OR2H2: variants seen among roughly 807,000 people sequenced by gnomAD.
OR2H2 encodes olfactory receptor 2H2.
For synonymous variants in OR2H2, 146 were observed against 132.4 expected, an observed-to-expected ratio of 1.10 and a Z score of -0.71; for missense variants, 295 against 313.7, an observed-to-expected ratio of 0.94 and a Z score of 0.45.
intron 1 of OR2H2, 82 bp from the exon 2 acceptor site, chr6:29,587,588 G>C (rs1760350710): frequency 4.0e-6 from 1 of 247,204 alleles, no homozygotes; most frequent in Non-Finnish European, 7.7e-6. Context: ...TCAGAACATA[G>C]TGGCACTCAA....
Position 29,588,772 on chromosome 6 carries a change from T to C in OR2H2, c.828T>C (p.Tyr276=), listed in dbSNP as rs770274270. Residue 276 remains tyrosine (Y), a synonymous_variant, in exon 2 of 2, where the codon TAT becomes TAC. Transcript: ENST00000641840. ...QERGKFFGLF[Y]AVGTPSLNPL... ...GGGGCAAGTTCTTTGGTCTCTTCTATGCAGTGGGCACTCCTTCACTTAACC... is the reference window on the plus strand; with the variant it reads ...GGGGCAAGTTCTTTGGTCTCTTCTACGCAGTGGGCACTCCTTCACTTAACC... The C allele has an allele frequency of 3.2e-6, 3 of 942,392 alleles. No individual in the cohort carries two copies. The Admixed American group carries it at 5.1e-5, about 16-fold the overall frequency. 58.4% of individuals were successfully genotyped at this position (942,392 alleles called of 1,614,324 possible). A position where few individuals can be genotyped will look rare whatever the true frequency, so the allele number is the denominator to read the frequency against.
At position 29,588,867 on chromosome 6, in the gene OR2H2, G is replaced by A. The variant is rs1460578472; in HGVS notation, c.923G>A (p.Gly308Glu). The change falls in exon 2 of 2, where the codon GGG becomes GAG. Residue 308 changes from glycine (G) to glutamate (E), a missense_variant. Gly to Glu is a moderately conservative substitution (Grantham distance 98). Transcript: ENST00000641840. ...AFRRLLGKEM[G>E]LTQS ...AGGAGATTGCTGGGGAAGGAAATGG[G>A]GCTCACACAAAGCTGAGGGAGAGCT... is the stretch of plus-strand genomic sequence containing the variant. 3.7e-6 allele frequency: 3 copies of A among 801,358 alleles called. No homozygotes were observed. Among genetic ancestry groups the A allele is most frequent in the African/African-American group, 3.4e-5 (2 of 59,506 alleles). The allele number at this position is 801,358 out of a possible 1,614,324, so 49.6% of individuals were successfully genotyped here. A position where few individuals can be genotyped will look rare whatever the true frequency, so the allele number is the denominator to read the frequency against.
In OR2H2 at chr6:29,588,997, T is replaced by C. The variant is rs1760497979; in HGVS notation, c.*114T>C. 1.6e-6 allele frequency: 1 copy of C among 638,736 alleles called. No individual in the cohort carries two copies. The allele number at this position is 638,736 out of a possible 1,614,324, so 39.6% of individuals were successfully genotyped here. A position where few individuals can be genotyped will look rare whatever the true frequency, so the allele number is the denominator to read the frequency against. ...ACACCCATTACATTGTGGGAATGGATGAAAGCCACATGTCTGTGTGTGTGC... is the reference window on the plus strand; with the variant it reads ...ACACCCATTACATTGTGGGAATGGACGAAAGCCACATGTCTGTGTGTGTGC... On this transcript the variant is annotated 3_prime_UTR_variant, in exon 2 of 2. Coordinates refer to ENST00000641840, the MANE Select transcript of OR2H2 (RefSeq NM_007160.4).
At position 29,586,594 on chromosome 6, in the gene OR2H2, T is replaced by C. The variant is rs115297026; in HGVS notation, c.-275-1076T>C. Among the ~76,000 whole-genome samples the C allele has an allele frequency of 8.9e-3, 1,351 of 152,232 alleles. 25 individuals are homozygous for C. Among genetic ancestry groups the C allele is most frequent in the South Asian group, 0.06 (287 of 4,820 alleles). ...GGGCACACAGAAGCTTCTAAGATAC[T>C]TGAAACATTTGCTCAGTTCCTTAAC... On this transcript the variant is annotated intron_variant, in intron 1 of 1. Transcript: ENST00000641840.
In OR2H2 at chr6:29,588,859, G is replaced by A. The variant is rs778873283; in HGVS notation, c.915G>A (p.Lys305=). Residue 305 remains lysine (K), a synonymous_variant, in exon 2 of 2, where the codon AAG becomes AAA. Transcript: ENST00000641840. ...VTRAFRRLLG[K]EMGLTQS ...GGGCATTCAGGAGATTGCTGGGGAA[G>A]GAAATGGGGCTCACACAAAGCTGAG... The A allele has an allele frequency of 1.2e-6, 1 of 811,304 alleles. No homozygotes were observed. Among genetic ancestry groups the A allele is most frequent in the Admixed American group, 1.7e-5 (1 of 59,056 alleles). The allele number at this position is 811,304 out of a possible 1,614,324, so 50.3% of individuals were successfully genotyped here. A position where few individuals can be genotyped will look rare whatever the true frequency, so the allele number is the denominator to read the frequency against.
chr6:29,588,234 T>C lies in OR2H2; in HGVS notation c.290T>C (p.Val97Ala). 6.4e-7 allele frequency: 1 copy of C among 1,562,068 alleles called. No homozygotes were observed. The highest frequency in any genetic ancestry group is 8.8e-7 in the Non-Finnish European group (1 of 1,133,496). ...KKTISFLDCS[V>A]QIFIFLSLGT... Reference sequence around the variant, plus strand: ...ACCATCAGCTTCCTGGACTGCTCTGTCCAGATCTTCATCTTCCTGTCCCTG... The same window carrying C: ...ACCATCAGCTTCCTGGACTGCTCTGCCCAGATCTTCATCTTCCTGTCCCTG... The change falls in exon 2 of 2, where the codon GTC becomes GCC. Residue 97 changes from valine to alanine, a missense_variant. By Grantham distance (64) the Val-to-Ala change is moderately conservative. Transcript: ENST00000641840.
Position 29,588,199 on chromosome 6 carries a change from C to T in OR2H2, c.255C>T (p.Gly85=), listed in dbSNP as rs141246891. 498 of 1,496,892 alleles carry T rather than the reference C, an allele frequency of 3.3e-4. 2 individuals are homozygous for T. In the African/African-American group the frequency reaches 5.3e-3, roughly 16 times the overall value. The allele number at this position is 1,496,892 out of a possible 1,614,324, so 92.7% of individuals were successfully genotyped here. A position where few individuals can be genotyped will look rare whatever the true frequency, so the allele number is the denominator to read the frequency against. ...CVPQMLVNLW[G]PKKTISFLDC... is the part of the protein sequence containing the mutation. Reference sequence around the variant, plus strand: ...CCCAAATGCTGGTCAACCTCTGGGGCCCAAAGAAGACCATCAGCTTCCTGG... The same window carrying T: ...CCCAAATGCTGGTCAACCTCTGGGGTCCAAAGAAGACCATCAGCTTCCTGG... Residue 85 remains glycine, a synonymous_variant, in exon 2 of 2, where the codon GGC becomes GGT. Transcript: ENST00000641840.
rs1339517183 is a variant in OR2H2, at chr6:29,589,579, A to G, written c.*696A>G. Reference sequence around the variant, plus strand: ...CAGGTAAAGGAGCAGCCAAAAAGACACAAAAATATCTTCATGTTTAGGCTG... The same window carrying G: ...CAGGTAAAGGAGCAGCCAAAAAGACGCAAAAATATCTTCATGTTTAGGCTG... On this transcript the variant is annotated 3_prime_UTR_variant, in exon 2 of 2. Transcript: ENST00000641840. 2.0e-5 allele frequency: 3 copies of G among 152,292 alleles called. No individual in the cohort carries two copies. In the East Asian group the frequency reaches 5.8e-4, roughly 29 times the overall value. 9.4% of individuals were successfully genotyped at this position (152,292 alleles called of 1,614,324 possible).
At chr6:29,587,333 C>T (rs1760331733) in intron 1 of OR2H2, 1 of 152,170 alleles carries the variant, frequency 6.6e-6, no homozygotes, top group African/African-American at 2.4e-5. Context: ...GGGCAACCAA[C>T]CTGATCTCTC....
intron 1 of OR2H2, among the ~76,000 whole-genome samples, chr6:29,585,759 AGGAAAAGGAGT>A (rs1562042957): frequency 6.6e-6 from 1 of 152,190 alleles, no homozygotes; most frequent in Non-Finnish European, 1.5e-5. Context: ...ATATTTCAGA[AGGAAAAGGAGT>A]AGGAGAAAAA....
At position 29,585,134 on chromosome 6, in the gene OR2H2, A is replaced by G. The variant is rs1764103405; in HGVS notation, c.-492A>G. On this transcript the variant is annotated 5_prime_UTR_variant, in exon 1 of 2. Transcript: ENST00000641840. ...TACTAATCAAGAGATAATCTGAGCC[A>G]GCTCCAGCTCATCACACACATGTGT... 1 of 152,232 alleles carries G rather than the reference A, an allele frequency of 6.6e-6. No individual in the cohort carries two copies. Among genetic ancestry groups the G allele is most frequent in the Admixed American group, 6.5e-5 (1 of 15,288 alleles). The allele number at this position is 152,232 out of a possible 1,614,324, so 9.4% of individuals were successfully genotyped here. A position where few individuals can be genotyped will look rare whatever the true frequency, so the allele number is the denominator to read the frequency against.
Position 29,588,715 on chromosome 6 carries a change from C to T in OR2H2, c.771C>T (p.Tyr257=), listed in dbSNP as rs200676901. 1.1e-5 allele frequency: 16 copies of T among 1,495,540 alleles called. No individual in the cohort carries two copies. The highest frequency in any genetic ancestry group is 1.5e-5 in the Non-Finnish European group (16 of 1,073,942). 92.6% of individuals were successfully genotyped at this position (1,495,540 alleles called of 1,614,324 possible). ...TCTACAGCTCAGTCATTGCTGTCTACCTCCAGCCCAAAAATCCCTATGCCC... is the reference window on the plus strand; with the variant it reads ...TCTACAGCTCAGTCATTGCTGTCTATCTCCAGCCCAAAAATCCCTATGCCC... ...TLFYSSVIAV[Y]LQPKNPYAQE... Residue 257 remains tyrosine, a synonymous_variant, in exon 2 of 2, where the codon TAC becomes TAT. Transcript: ENST00000641840.
In OR2H2 at chr6:29,588,978, A is replaced by T; in HGVS notation, c.*95A>T. On this transcript the variant is annotated 3_prime_UTR_variant, in exon 2 of 2. Coordinates refer to ENST00000641840, the MANE Select transcript of OR2H2 (RefSeq NM_007160.4). ...CTGCCCCTCTGCCTTCTTCACACCC[A>T]TTACATTGTGGGAATGGATGAAAGC... 1 of 654,642 alleles carries T rather than the reference A, an allele frequency of 1.5e-6. No homozygotes were observed. The highest frequency in any genetic ancestry group is 2.8e-6 in the Non-Finnish European group (1 of 356,622). The allele number at this position is 654,642 out of a possible 1,614,324, so 40.6% of individuals were successfully genotyped here. A position where few individuals can be genotyped will look rare whatever the true frequency, so the allele number is the denominator to read the frequency against.
rs952089134 is a variant in OR2H2 at position 29,589,148 on chromosome 6, T to C, written c.*265T>C. On this transcript the variant is annotated 3_prime_UTR_variant, in exon 2 of 2. Transcript: ENST00000641840. ...TAAGTCTTCGCCTCCATAGTCATGT[T>C]CCTACCTTTATCACTTCCATTTTTA... 5.1e-5 allele frequency: 24 copies of C among 466,846 alleles called. No individual in the cohort carries two copies. Among genetic ancestry groups the C allele is most frequent in the African/African-American group, 2.2e-4 (11 of 50,790 alleles). The allele number at this position is 466,846 out of a possible 1,614,324, so 28.9% of individuals were successfully genotyped here.
chr6:29,587,414 C>T (rs1241984251), intron 1 of OR2H2: 1 of 152,798 alleles, frequency 6.5e-6, no homozygotes, highest in Non-Finnish European at 1.5e-5. Flanking sequence ...GATAAGCTTA[C>T]TTGCAAATGA....
Position 29,589,552 on chromosome 6 carries a change from C to T in OR2H2, c.*669C>T, listed in dbSNP as rs1385677736. 3 of 152,224 alleles carry T rather than the reference C, an allele frequency of 2.0e-5. No individual in the cohort carries two copies. Among genetic ancestry groups the T allele is most frequent in the South Asian group, 2.1e-4 (1 of 4,834 alleles). The allele number at this position is 152,224 out of a possible 1,614,324, so 9.4% of individuals were successfully genotyped here. A position where few individuals can be genotyped will look rare whatever the true frequency, so the allele number is the denominator to read the frequency against. ...TTCTTCTCTTACAATGCCCACAAAT[C>T]GCAGGTAAAGGAGCAGCCAAAAAGA... On this transcript the variant is annotated 3_prime_UTR_variant, in exon 2 of 2. Coordinates refer to ENST00000641840, the MANE Select transcript of OR2H2 (RefSeq NM_007160.4).
Position 29,588,343 on chromosome 6 carries a change from C to T in OR2H2, c.399C>T (p.Ile133=). The change falls in exon 2 of 2, where the codon ATC becomes ATT. Residue 133 remains isoleucine, a synonymous_variant. Transcript: ENST00000641840. ...AVCQPLHYAT[I]IHPRLCWQLA... is the part of the protein sequence containing the mutation. ...GCCAGCCCCTCCACTATGCCACCATCATCCACCCCCGCCTGTGCTGGCAGC... is the reference window on the plus strand; with the variant it reads ...GCCAGCCCCTCCACTATGCCACCATTATCCACCCCCGCCTGTGCTGGCAGC... 6.2e-7 allele frequency: 1 copy of T among 1,613,016 alleles called. No homozygotes were observed. Among genetic ancestry groups the T allele is most frequent in the Non-Finnish European group, 8.5e-7 (1 of 1,179,978 alleles).
rs142925976 is a variant in OR2H2 at position 29,588,151 on chromosome 6, C to T, written c.207C>T (p.Leu69=). The change falls in exon 2 of 2, where the codon CTC becomes CTT. Residue 69 remains leucine (L), a synonymous_variant. Transcript: ENST00000641840. The part of the protein sequence containing the change: ...FFLSNLSFLD[L]CFTTSCVPQM... ...TCTCCAACCTCTCCTTCTTGGACCT[C>T]TGTTTCACCACGAGTTGTGTTCCCC... 1.6e-6 allele frequency: 2 copies of T among 1,240,776 alleles called. No individual in the cohort carries two copies. Among genetic ancestry groups the T allele is most frequent in the Non-Finnish European group, 2.4e-6 (2 of 839,734 alleles). The allele number at this position is 1,240,776 out of a possible 1,614,324, so 76.9% of individuals were successfully genotyped here.
At position 29,589,190 on chromosome 6, in the gene OR2H2, A is replaced by G. The variant is rs1305115656; in HGVS notation, c.*307A>G. On this transcript the variant is annotated 3_prime_UTR_variant, in exon 2 of 2. Coordinates refer to ENST00000641840, the MANE Select transcript of OR2H2 (RefSeq NM_007160.4). ...CCATTTTTAATTCCCCTCCCTTGCC[A>G]TATCCCCACTATTCCTTCACCTCCA... The G allele has an allele frequency of 2.7e-6, 1 of 368,804 alleles. No homozygotes were observed. The highest frequency in any genetic ancestry group is 4.9e-6 in the Non-Finnish European group (1 of 204,118). 22.8% of individuals were successfully genotyped at this position (368,804 alleles called of 1,614,324 possible). A position where few individuals can be genotyped will look rare whatever the true frequency, so the allele number is the denominator to read the frequency against.
Sources: allele counts gnomAD v4.1 joint callset (sites outside exome capture counted in the v4.1 genomes callset), GRCh38; gene constraint gnomAD v4.1.1; transcripts MANE v1.5; gene names NCBI Gene and HGNC (gene_info 2026-07-23, HGNC 2026-07-21).